KLK12: variants seen among roughly 807,000 people sequenced by gnomAD.
KLK12 encodes the protein kallikrein related peptidase 12.
A neutral mutation model predicts 20.0 loss-of-function variants in KLK12; 23 were observed. The observed-to-expected ratio is 1.15, with a 90% CI of 0.83 to 1.63. KLK12 has a LOEUF of 1.63. Among genes scored for constraint, KLK12 ranks in the 40% most tolerant of loss-of-function variants. The pLI is 0.00. For missense variants in KLK12, 351 were observed against 338.6 expected, an observed-to-expected ratio of 1.04 and a Z score of -0.29; for synonymous variants, 147 against 141.9, an observed-to-expected ratio of 1.04 and a Z score of -0.25.
At chr19:51,034,515 T>TG (rs2091592877) in intron 2 of KLK12, 70 bp downstream of exon 2, 2 of 1,573,260 alleles carry the variant, frequency 1.3e-6, no homozygotes, top group Admixed American at 1.8e-5. Flanking sequence ...GGGAGGGTGG[T>TG]GGGGCCTCCT....
intron 3 of KLK12, among the ~76,000 whole-genome samples, chr19:51,032,411 G>T (rs1303529970): frequency 4.3e-5 from 5 of 116,122 alleles, no homozygotes; most frequent in Admixed American, 1.1e-4. Flanking sequence ...TTTCAAGACC[G>T]AGTCTCGCTC....
At chr19:51,031,702 T>A in intron 4 of KLK12, 174 bp downstream of exon 4, 1 of 796,016 alleles carries the variant, frequency 1.3e-6, no homozygotes, top group Non-Finnish European at 2.1e-6. Flanking sequence ...CCCCTTTGGC[T>A]CCCAAGACCC....
intron 2 of KLK12, 108 bp downstream of exon 2, chr19:51,034,477 C>T (rs1489453294): frequency 6.5e-7 from 1 of 1,538,394 alleles, no homozygotes; most frequent in Non-Finnish European, 8.8e-7. Flanking sequence ...TCCTCCTCAC[C>T]ACCAGGCTGG....
intron 2 of KLK12, 190 bp from the exon 3 acceptor site, chr19:51,034,329 T>G (rs1250046575): frequency 1.7e-6 from 2 of 1,158,454 alleles, no homozygotes; most frequent in African/African-American, 3.1e-5. Flanking sequence ...GGGAGAAAGA[T>G]GCTTACACAT....
Position 51,029,408 on chromosome 19 carries a change from A to G in KLK12, c.641T>C (p.Val214Ala). 6.2e-7 allele frequency: 1 copy of G among 1,613,872 alleles called. No homozygotes were observed. The highest frequency in any genetic ancestry group is 8.5e-7 in the Non-Finnish European group (1 of 1,179,756). The change falls in exon 6 of 6, where the codon GTG becomes GCG. Residue 214 changes from valine (V) to alanine (A), a missense_variant. Coordinates refer to ENST00000684732, the MANE Select transcript of KLK12 (RefSeq NM_001370125.1). Reference protein sequence around the residue: ...LVCGGVLQGLVSWGSVGPCGQ... With the variant: ...LVCGGVLQGLASWGSVGPCGQ... ...ACAGGGCCCCACAGACCCCCAGGAC[A>G]CCAGACCTTGAAGGACTCCCCCACA... is the stretch of plus-strand genomic sequence containing the variant.
intron 5 of KLK12, 144 bp from the exon 6 acceptor site, chr19:51,029,601 A>C (rs1439581496): frequency 7.1e-6 from 5 of 708,336 alleles, no homozygotes; most frequent in Admixed American, 6.7e-5. Flanking sequence ...TTCCCGGAGG[A>C]CAATGGCAAT....
intron 4 of KLK12, 152 bp from the exon 5 acceptor site, chr19:51,031,073 G>T: frequency 1.2e-6 from 1 of 848,590 alleles, no homozygotes; most frequent in Non-Finnish European, 2.0e-6. Context: ...ACATATTTAT[G>T]ACTTAATTTC....
chr19:51,034,612 T>G lies in KLK12; in HGVS notation c.10A>C (p.Ser4Arg), dbSNP rs2091593991. 1.2e-6 allele frequency: 2 copies of G among 1,610,926 alleles called. No homozygotes were observed. Among genetic ancestry groups the G allele is most frequent in the Non-Finnish European group, 1.7e-6 (2 of 1,179,022 alleles). Residue 4 changes from serine (S) to arginine (R), a missense_variant, in exon 2 of 6, where the codon AGC becomes CGC. Coordinates refer to ENST00000684732, the MANE Select transcript of KLK12 (RefSeq NM_001370125.1). MGLSIFLLLCVLGL... is the reference protein window; with the variant it reads MGLRIFLLLCVLGL... ...AGAACACACAGGAGCAAAAAGATGC[T>G]GAGCCCCATGGTGGGTCACTTCCAA...
chr19:51,033,045 C>T (rs2091575068), intron 3 of KLK12, among the ~76,000 whole-genome samples: 1 of 151,314 alleles, frequency 6.6e-6, no homozygotes, highest in African/African-American at 2.4e-5. Flanking sequence ...AAAACCCTGT[C>T]TCTACAAAAA....
chr19:51,032,439 T>A (rs901333374), intron 3 of KLK12, among the ~76,000 whole-genome samples: 3 of 141,876 alleles, frequency 2.1e-5, no homozygotes, highest in African/African-American at 8.1e-5. Flanking sequence ...CAGGCTGGAG[T>A]GCAGTGGCAC....
In KLK12 at chr19:51,031,927, C is replaced by T. The variant is rs376394237; in HGVS notation, c.406G>A (p.Ala136Thr). 7.1e-5 allele frequency: 115 copies of T among 1,613,374 alleles called. 1 individual carries two copies. The Middle Eastern group carries it at 8.2e-4, about 12-fold the overall frequency. The change falls in exon 4 of 6, where the codon GCT (alanine) becomes ACT (threonine). Residue 136 changes from alanine to threonine, a missense_variant. Coordinates refer to ENST00000684732, the MANE Select transcript of KLK12 (RefSeq NM_001370125.1). ...PLPLPNDCATAGTECHVSGWG... is the reference protein window; with the variant it reads ...PLPLPNDCATTGTECHVSGWG... ...CCTGAGACGTGGCACTCGGTGCCAG[C>T]GGTTGCACAGTCATTGGGCAGGGGC...
chr19:51,032,383 T>C (rs2091568394), intron 3 of KLK12, among the ~76,000 whole-genome samples: 1 of 109,518 alleles, frequency 9.1e-6, no homozygotes, highest in Non-Finnish European at 2.1e-5. Context: ...TCTCTCTCCT[T>C]TTTTTTTTTT....
At chr19:51,033,084 C>T (rs118035100) in intron 3 of KLK12, among the ~76,000 whole-genome samples, 20 of 151,246 alleles carry the variant, frequency 1.3e-4, no homozygotes, top group African/African-American at 4.1e-4. Flanking sequence ...GGTGTGGTGG[C>T]GCAGGCCTGT....
At chr19:51,029,501 AT>A in intron 5 of KLK12, 44 bp from the exon 6 acceptor site, 1 of 1,523,354 alleles carries the variant, frequency 6.6e-7, no homozygotes, top group Non-Finnish European at 9.1e-7. Flanking sequence ...GAGACATCTT[AT>A]TTCTGTTTTC....
intron 4 of KLK12, among the ~76,000 whole-genome samples, chr19:51,031,130 C>T (rs2091553315): frequency 1.3e-5 from 2 of 152,142 alleles, no homozygotes; most frequent in Non-Finnish European, 2.9e-5. Context: ...TGATCTTTGA[C>T]ATTTGACTTT....
At chr19:51,029,814 G>T (rs1485557810) in intron 5 of KLK12, among the ~76,000 whole-genome samples, 1 of 152,114 alleles carries the variant, frequency 6.6e-6, no homozygotes, top group East Asian at 1.9e-4. Flanking sequence ...AAGGACAATG[G>T]CTGGGGCCCT....
Position 51,030,778 on chromosome 19 carries a change from ACTGG to A in KLK12, c.591+6_591+9del. Reference sequence around the variant, plus strand: ...CCTGGTGACCACGCACGCTGCCTGCACTGGCTCACCTGGCAGGCATCCTGCCCCG... The same window carrying A: ...CCTGGTGACCACGCACGCTGCCTGCACTCACCTGGCAGGCATCCTGCCCCG... On this transcript the variant is annotated splice_donor_region_variant and intron_variant, in intron 5 of 5. Transcript: ENST00000684732. 6.2e-7 allele frequency: 1 copy of A among 1,613,100 alleles called. No homozygotes were observed. Among genetic ancestry groups the A allele is most frequent in the Non-Finnish European group, 8.5e-7 (1 of 1,179,952 alleles).
In KLK12 at chr19:51,030,810, A is replaced by G; in HGVS notation, c.569T>C (p.Val190Ala). 6 of 1,613,568 alleles carry G rather than the reference A, an allele frequency of 3.7e-6. No individual in the cohort carries two copies. The highest frequency in any genetic ancestry group is 5.1e-6 in the Non-Finnish European group (6 of 1,179,968). Residue 190 changes from valine (V) to alanine (A), a missense_variant, in exon 5 of 6, where the codon GTC becomes GCC. Val to Ala is a moderately conservative substitution (Grantham distance 64, BLOSUM62 0). Coordinates refer to ENST00000684732, the MANE Select transcript of KLK12 (RefSeq NM_001370125.1). The stretch of plus-strand genomic sequence containing the variant: ...CACCTGGCAGGCATCCTGCCCCGGG[A>G]CGCCGCCTGCACACACCATGTTGCT... ...ITSNMVCAGG[V>A]PGQDACQGDS...
intron 3 of KLK12, 76 bp downstream of exon 3, chr19:51,033,904 A>T: frequency 7.1e-7 from 1 of 1,412,624 alleles, no homozygotes; most frequent in Non-Finnish European, 9.8e-7. Context: ...AGTGGGCACC[A>T]CCCTCCCTTG....
Sources: allele counts gnomAD v4.1 joint callset (sites outside exome capture counted in the v4.1 genomes callset), GRCh38; gene constraint gnomAD v4.1.1; transcripts MANE v1.5; gene names NCBI Gene and HGNC (gene_info 2026-07-23, HGNC 2026-07-21).